Variants in ARHGAP22 observed in about 807,000 individuals in gnomAD.
ARHGAP22 encodes rho GTPase-activating protein 22.
In ARHGAP22, 48 loss-of-function variants were observed where a neutral mutation model predicts 59.1. That is an observed-to-expected ratio of 0.81 (90% CI 0.64 to 1.03). ARHGAP22 has a LOEUF of 1.03. ARHGAP22 is among the 50% of genes least tolerant of loss of function. ARHGAP22 has a pLI of 0.00. For missense variants in ARHGAP22, 1,015 were observed against 958.7 expected, an observed-to-expected ratio of 1.06 and a Z score of -0.78; for synonymous variants, 445 against 416.4, an observed-to-expected ratio of 1.07 and a Z score of -0.84.
the ARHGAP22 span, among the ~76,000 whole-genome samples, chr10:48,431,859 G>C: frequency 6.6e-6 from 1 of 152,278 alleles, no homozygotes; most frequent in African/African-American, 2.4e-5. Context: ...CAGGTAACAT[G>C]TACACTAAGT....
intron 3 of ARHGAP22, among the ~76,000 whole-genome samples, chr10:48,548,725 T>A (rs770024665): frequency 6.6e-6 from 1 of 152,148 alleles, no homozygotes; most frequent in African/African-American, 2.4e-5. Context: ...CAGGATCAAG[T>A]CTGCAAGGAG....
intron 9 of ARHGAP22, among the ~76,000 whole-genome samples, chr10:48,449,984 A>T (rs2045739355): frequency 6.6e-6 from 1 of 152,228 alleles, no homozygotes; most frequent in Non-Finnish European, 1.5e-5. Context: ...CCACCCCTGC[A>T]GCAAAGGTCC....
At chr10:48,578,851 T>C (rs954773708) in intron 2 of ARHGAP22, among the ~76,000 whole-genome samples, 3 of 152,166 alleles carry the variant, frequency 2.0e-5, no homozygotes, top group African/African-American at 7.2e-5. Flanking sequence ...TCTTGAATCC[T>C]ACTTTATTTG....
chr10:48,614,636 A>G (rs916481633), intron 1 of ARHGAP22, among the ~76,000 whole-genome samples: 30 of 152,354 alleles, frequency 2.0e-4, no homozygotes, highest in African/African-American at 6.3e-4. Flanking sequence ...GAATCTAGAA[A>G]CTAACCAACA....
chr10:48,451,403 C>A (rs1564667608), intron 8 of ARHGAP22: 1 of 706,726 alleles, frequency 1.4e-6, no homozygotes. Flanking sequence ...TGCGCTCACG[C>A]CCTCCAGCTG....
chr10:48,451,007 C>G lies in ARHGAP22; in HGVS notation c.1122G>C (p.Glu374Asp). ...GCTCTCCTTGGCTGTCCCTGGTGAC[C>G]TCCTCGGAGCCCCACCCCACTGCGC... ...LQCAVGWGSE[E>D]VTRDSQGEPG... is the part of the protein sequence containing the mutation. Residue 374 changes from glutamate (E) to aspartate (D), a missense_variant, in exon 9 of 10, where the codon GAG becomes GAC. Transcript: ENST00000249601. 6.4e-7 allele frequency: 1 copy of G among 1,556,190 alleles called. No individual in the cohort carries two copies. The highest frequency in any genetic ancestry group is 8.7e-7 in the Non-Finnish European group (1 of 1,150,316).
intron 3 of ARHGAP22, among the ~76,000 whole-genome samples, chr10:48,515,158 T>A (rs2053166021): frequency 6.6e-6 from 1 of 151,674 alleles, no homozygotes; most frequent in Non-Finnish European, 1.5e-5. Flanking sequence ...GCCAATAAAT[T>A]TTTTAAATAA....
rs147062010 is a variant in ARHGAP22 at position 48,571,226 on chromosome 10, A to G, written c.234+11727T>C. 7.6e-3 allele frequency among the ~76,000 whole-genome samples: 1,157 copies of G among 152,312 alleles called. 5 individuals carry two copies. Among genetic ancestry groups the G allele is most frequent in the Non-Finnish European group, 0.012 (786 of 68,028 alleles). On this transcript the variant is annotated intron_variant, in intron 2 of 9. Coordinates refer to ENST00000249601, the MANE Select transcript of ARHGAP22 (RefSeq NM_021226.4). ...CAGGGACTGGAGCCCGCTACCACCC[A>G]GTAGACCACTCCATCAGAATGAAGT...
intron 3 of ARHGAP22, among the ~76,000 whole-genome samples, chr10:48,531,662 AGT>A (rs1259410591): frequency 2.0e-3 from 8 of 4,060 alleles, no homozygotes; most frequent in Non-Finnish European, 0.012. Flanking sequence ...AGGGCACCGA[AGT>A]ACAGAGAAGT....
chr10:48,589,953 T>C (rs2135731148), intron 1 of ARHGAP22, among the ~76,000 whole-genome samples: 1 of 152,204 alleles, frequency 6.6e-6, no homozygotes, highest in Middle Eastern at 3.4e-3. Flanking sequence ...AGCACAGGAT[T>C]TTCCTGTGTG....
At chr10:48,585,317 T>A (rs1242345873) in intron 1 of ARHGAP22, among the ~76,000 whole-genome samples, 1 of 152,170 alleles carries the variant, frequency 6.6e-6, no homozygotes, top group Non-Finnish European at 1.5e-5. Flanking sequence ...TGATCACCAA[T>A]AAATGGTGTG....
chr10:48,644,751 A>G (rs541928774), intron 1 of ARHGAP22, among the ~76,000 whole-genome samples: 178 of 152,252 alleles, frequency 1.2e-3, no homozygotes, highest in Non-Finnish European at 2.0e-3. Context: ...TAATATGCCA[A>G]TATTTATGGT....
chr10:48,457,635 G>A (rs776321649), intron 5 of ARHGAP22, among the ~76,000 whole-genome samples: 12 of 152,184 alleles, frequency 7.9e-5, no homozygotes, highest in Non-Finnish European at 1.8e-4. Flanking sequence ...CCGGGAGACT[G>A]ACAGCCCAGT....
intron 1 of ARHGAP22, among the ~76,000 whole-genome samples, chr10:48,642,429 C>T (rs1358507465): frequency 6.6e-6 from 1 of 151,950 alleles, no homozygotes. Context: ...TCAGAAATAA[C>T]ACCACACATC....
chr10:48,605,340 C>G (rs60579128), upstream of ARHGAP22, among the ~76,000 whole-genome samples: 39 of 138,372 alleles, frequency 2.8e-4, no homozygotes, highest in East Asian at 2.5e-4. Flanking sequence ...ACCCCCCCCC[C>G]ACCCCAGAGC....
Position 48,583,055 on chromosome 10 carries a change from C to G in ARHGAP22, c.132G>C (p.Leu44=). The G allele has an allele frequency of 6.2e-7, 1 of 1,614,290 alleles. No individual in the cohort carries two copies. The highest frequency in any genetic ancestry group is 1.6e-4 in the Middle Eastern group (1 of 6,062). The change falls in exon 2 of 10, where the codon CTG becomes CTC. Residue 44 remains leucine (L), a synonymous_variant. Coordinates refer to ENST00000249601, the MANE Select transcript of ARHGAP22 (RefSeq NM_021226.4). The part of the protein sequence containing the change: ...RLGPVLKAGW[L]KKQRSIMKNW... The stretch of plus-strand genomic sequence containing the variant: ...TCTTCATGATGCTCCTCTGCTTCTT[C>G]AGCCAGCCCGCCTTCAGCACGGGGC...
chr10:48,468,700 G>T (rs1055670970), intron 4 of ARHGAP22, among the ~76,000 whole-genome samples: 4 of 152,182 alleles, frequency 2.6e-5, no homozygotes, highest in Non-Finnish European at 5.9e-5. Context: ...TTTTTTAAAA[G>T]ATTACAATAA....
At chr10:48,606,345 GAAGA>G (rs774173766), upstream of ARHGAP22, among the ~76,000 whole-genome samples, 49 of 152,290 alleles carry the variant, frequency 3.2e-4, no homozygotes, top group Admixed American at 5.9e-4. Context: ...TGCAGAGTAA[GAAGA>G]AAGACTCACC....
intron 3 of ARHGAP22, among the ~76,000 whole-genome samples, chr10:48,501,270 G>C (rs190981097): frequency 6.6e-6 from 1 of 152,254 alleles, no homozygotes; most frequent in Admixed American, 6.5e-5. Context: ...GAAACAGGGA[G>C]ACTGGCTTGT....
Sources: allele counts gnomAD v4.1 joint callset (sites outside exome capture counted in the v4.1 genomes callset), GRCh38; gene constraint gnomAD v4.1.1; transcripts MANE v1.5; gene names NCBI Gene and HGNC (gene_info 2026-07-23, HGNC 2026-07-21).